NAALADL2: variants seen among roughly 807,000 people sequenced by gnomAD.
NAALADL2 encodes the protein inactive N-acetylated-alpha-linked acidic dipeptidase-like protein 2.
A neutral mutation model predicts 87.2 loss-of-function variants in NAALADL2; 76 were observed. That is an observed-to-expected ratio of 0.87 (90% CI 0.72 to 1.05). The LOEUF is 1.05. NAALADL2 is among the 50% of genes least tolerant of loss of function. The pLI, the probability that NAALADL2 is intolerant of heterozygous loss-of-function variation, is 0.00. For synonymous variants in NAALADL2, 354 were observed against 331.0 expected (o/e 1.07, Z -0.75); for missense variants, 1,089 against 945.8 (o/e 1.15, Z -1.99).
At chr3:175,455,562 T>G (rs1356285280) in intron 6 of NAALADL2, among the ~76,000 whole-genome samples, 2 of 152,114 alleles carry the variant, frequency 1.3e-5, no homozygotes, top group African/African-American at 4.8e-5. Context: ...GAATACGATT[T>G]AATTCAATGT....
At chr3:174,744,753 G>A (rs149667354) in intron 3 of NAALADL2, among the ~76,000 whole-genome samples, 3 of 152,136 alleles carry the variant, frequency 2.0e-5, no homozygotes, top group African/African-American at 4.8e-5. Flanking sequence ...TAATCTCTCC[G>A]AACACAGTGC....
chr3:175,735,371 T>C (rs183565131), intron 11 of NAALADL2, among the ~76,000 whole-genome samples: 1 of 152,332 alleles, frequency 6.6e-6, no homozygotes, highest in East Asian at 1.9e-4. Flanking sequence ...TTCCAATGTC[T>C]CCCTATTTCC....
chr3:174,586,607 G>A (rs566479812), intron 2 of NAALADL2, among the ~76,000 whole-genome samples: 4 of 152,122 alleles, frequency 2.6e-5, no homozygotes, highest in Non-Finnish European at 5.9e-5. Context: ...ACATCCTCCC[G>A]CATCAGCCTC....
chr3:175,656,134 A>G (rs1247501336), intron 11 of NAALADL2, among the ~76,000 whole-genome samples: 1 of 152,204 alleles, frequency 6.6e-6, no homozygotes, highest in East Asian at 1.9e-4. Flanking sequence ...TTAACCATGC[A>G]TTATGCTATG....
chr3:175,346,484 A>C (rs1355769926), intron 5 of NAALADL2, among the ~76,000 whole-genome samples: 1 of 152,062 alleles, frequency 6.6e-6, no homozygotes, highest in Non-Finnish European at 1.5e-5. Context: ...TCTTTCTTTT[A>C]TTTCTATCTA....
At chr3:174,591,064 C>G (rs1717311184) in intron 2 of NAALADL2, among the ~76,000 whole-genome samples, 1 of 152,066 alleles carries the variant, frequency 6.6e-6, no homozygotes, top group Non-Finnish European at 1.5e-5. Context: ...AGAGGGGACC[C>G]CCTGATTCAA....
chr3:175,607,826 A>T (rs1473790939), intron 10 of NAALADL2, among the ~76,000 whole-genome samples: 1 of 151,944 alleles, frequency 6.6e-6, no homozygotes, highest in African/African-American at 2.4e-5. Context: ...CGTGAGTTTT[A>T]ATCCAAGTGA....
chr3:174,901,698 G>T (rs1397452627), intron 1 of NAALADL2, among the ~76,000 whole-genome samples: 2 of 152,104 alleles, frequency 1.3e-5, no homozygotes, highest in Non-Finnish European at 2.9e-5. Context: ...TTCCAGTCAG[G>T]TCAGAAAGAA....
intron 3 of NAALADL2, among the ~76,000 whole-genome samples, chr3:174,836,475 G>A (rs768631039): frequency 6.6e-6 from 1 of 152,034 alleles, no homozygotes; most frequent in Admixed American, 6.5e-5. Context: ...GCCGAGGCGG[G>A]TGGATCATGA....
chr3:175,318,314 G>T (rs908440090), intron 4 of NAALADL2, among the ~76,000 whole-genome samples: 67 of 152,150 alleles, frequency 4.4e-4, no homozygotes, highest in African/African-American at 1.5e-3. Flanking sequence ...TAGTAAAAGG[G>T]TCTAGACACC....
intron 11 of NAALADL2, among the ~76,000 whole-genome samples, chr3:175,662,195 G>T (rs1732350778): frequency 6.6e-6 from 1 of 151,670 alleles, no homozygotes; most frequent in South Asian, 2.1e-4. Flanking sequence ...TTTCCTTGCA[G>T]CGATCTTTTA....
intron 2 of NAALADL2, among the ~76,000 whole-genome samples, chr3:174,596,083 C>T (rs1399236277): frequency 3.3e-5 from 5 of 151,956 alleles, no homozygotes; most frequent in African/African-American, 4.8e-5. Context: ...ATATTAATAA[C>T]AAAACTGCCA....
intron 1 of NAALADL2, among the ~76,000 whole-genome samples, chr3:174,545,616 T>A (rs1009618828): frequency 2.0e-5 from 3 of 152,156 alleles, no homozygotes; most frequent in Non-Finnish European, 4.4e-5. Context: ...TTGTTGGATA[T>A]CTATATGCCT....
intron 1 of NAALADL2, among the ~76,000 whole-genome samples, chr3:175,069,070 C>T (rs532140595): frequency 6.6e-6 from 1 of 151,960 alleles, no homozygotes; most frequent in African/African-American, 2.4e-5. Context: ...AGAAGAAAAC[C>T]TAGGCATTAC....
intron 9 of NAALADL2, among the ~76,000 whole-genome samples, chr3:175,527,523 G>T (rs1292188170): frequency 1.3e-5 from 2 of 152,066 alleles, no homozygotes; most frequent in Non-Finnish European, 2.9e-5. Context: ...CAATAAAATA[G>T]ATGATCCTAG....
At chr3:175,648,113 T>C (rs548620180) in intron 11 of NAALADL2, among the ~76,000 whole-genome samples, 6 of 152,334 alleles carry the variant, frequency 3.9e-5, no homozygotes, top group African/African-American at 1.2e-4. Flanking sequence ...GGTATGTTTC[T>C]GAAAATAGTA....
At chr3:175,631,978 A>G (rs1460786538) in intron 11 of NAALADL2, among the ~76,000 whole-genome samples, 1 of 152,070 alleles carries the variant, frequency 6.6e-6, no homozygotes, top group African/African-American at 2.4e-5. Context: ...GAGATCTAAG[A>G]GAATAAACAA....
At chr3:174,446,818 G>C (rs1010126727) in intron 1 of NAALADL2, among the ~76,000 whole-genome samples, 2 of 152,076 alleles carry the variant, frequency 1.3e-5, no homozygotes, top group African/African-American at 4.8e-5. Context: ...TGAAATGCTG[G>C]TTGTAGAAGC....
chr3:174,983,273 A>C (rs1745373037), intron 1 of NAALADL2, among the ~76,000 whole-genome samples: 1 of 152,174 alleles, frequency 6.6e-6, no homozygotes, highest in South Asian at 2.1e-4. Context: ...TAAACAGCTT[A>C]GGATGAGTTA....
Sources: gnomAD v4.1 joint callset for allele counts (sites outside exome capture counted in the v4.1 genomes callset) on GRCh38, gnomAD v4.1.1 for gene constraint, MANE v1.5 for transcripts, NCBI Gene and HGNC (gene_info 2026-07-23, HGNC 2026-07-21) for gene names.